Variants in MLLT10 observed in about 807,000 individuals in gnomAD.
MLLT10 encodes protein AF-10.
MLLT10 carries 30 observed loss-of-function variants against 129.1 expected under a neutral mutation model. The ratio of observed to expected loss-of-function variants is 0.23; its 90% confidence interval spans 0.17 to 0.32. MLLT10 has a LOEUF of 0.32. Among genes scored for constraint, MLLT10 ranks in the 10% least tolerant of loss-of-function variants. The pLI is 1.00. For synonymous variants in MLLT10, 490 were observed against 446.4 expected (o/e 1.10, Z -1.23); for missense variants, 1,119 against 1,268.3 (o/e 0.88, Z 1.79).
chr10:21,613,501 A>G (rs185456437), intron 6 of MLLT10, among the ~76,000 whole-genome samples: 2 of 152,372 alleles, frequency 1.3e-5, no homozygotes, highest in Admixed American at 1.3e-4. Context: ...AGATGAAAGT[A>G]GTTTTTGGGG....
At chr10:21,670,180 A>G (rs1367798099) in intron 9 of MLLT10, among the ~76,000 whole-genome samples, 1 of 152,194 alleles carries the variant, frequency 6.6e-6, no homozygotes, top group Non-Finnish European at 1.5e-5. Context: ...AAATATAACT[A>G]ATACATACTT....
intron 10 of MLLT10, among the ~76,000 whole-genome samples, chr10:21,672,409 G>A (rs1237382904): frequency 6.6e-6 from 1 of 151,972 alleles, no homozygotes; most frequent in Non-Finnish European, 1.5e-5. Flanking sequence ...TAAATTTTTT[G>A]TAGAGACGGG....
intron 14 of MLLT10, 146 bp from the exon 15 acceptor site, chr10:21,726,094 CAAGT>C (rs1383933032): frequency 5.0e-5 from 29 of 579,030 alleles, no homozygotes; most frequent in South Asian, 1.2e-4. Context: ...AATGGTAAAA[CAAGT>C]AAGAACGAAA....
chr10:21,547,597 T>C (rs1039932187), intron 3 of MLLT10, among the ~76,000 whole-genome samples: 2 of 150,832 alleles, frequency 1.3e-5, no homozygotes, highest in African/African-American at 4.9e-5. Flanking sequence ...CTCGGCTCAC[T>C]GCAACCTCCG....
At chr10:21,550,220 A>G (rs2036780476) in intron 3 of MLLT10, among the ~76,000 whole-genome samples, 1 of 152,160 alleles carries the variant, frequency 6.6e-6, no homozygotes. Flanking sequence ...TTTAGATAAT[A>G]GATTTTGGGC....
intron 3 of MLLT10, among the ~76,000 whole-genome samples, chr10:21,545,244 T>C (rs1231932984): frequency 1.4e-5 from 2 of 138,104 alleles, no homozygotes; most frequent in Admixed American, 7.2e-5. Context: ...ACCACATGCC[T>C]TTTTTTTTTT....
chr10:21,673,969 T>A (rs957825456), intron 11 of MLLT10, 50 bp downstream of exon 11: 1 of 1,411,482 alleles, frequency 7.1e-7, no homozygotes, highest in Non-Finnish European at 9.5e-7. Flanking sequence ...ACCACCTCCC[T>A]TCTTCTGTCC....
In MLLT10 at chr10:21,732,836, C is replaced by T. The variant is rs994241427; in HGVS notation, c.2219-63C>T. 3.4e-5 allele frequency: 46 copies of T among 1,353,126 alleles called. No individual in the cohort carries two copies. In the Middle Eastern group the frequency reaches 6.5e-4, roughly 19 times the overall value. 83.8% of individuals were successfully genotyped at this position (1,353,126 alleles called of 1,614,324 possible). A position where few individuals can be genotyped will look rare whatever the true frequency, so the allele number is the denominator to read the frequency against. On this transcript the variant is annotated intron_variant, in intron 17 of 22. Coordinates refer to ENST00000307729, the MANE Select transcript of MLLT10 (RefSeq NM_001195626.3). Reference sequence around the variant, plus strand: ...CTTATTTCTAAGGTTACCGGCACTGCGTAAAATACTTAGTCTTATGTGTGT... The same window carrying T: ...CTTATTTCTAAGGTTACCGGCACTGTGTAAAATACTTAGTCTTATGTGTGT...
At chr10:21,606,183 T>C (rs2131171455) in intron 5 of MLLT10, among the ~76,000 whole-genome samples, 1 of 152,306 alleles carries the variant, frequency 6.6e-6, no homozygotes, top group Middle Eastern at 3.4e-3. Context: ...CCCTCATCTC[T>C]CTCTACTCTC....
intron 13 of MLLT10, among the ~76,000 whole-genome samples, chr10:21,685,266 A>C (rs1022653421): frequency 1.3e-5 from 2 of 152,210 alleles, no homozygotes; most frequent in African/African-American, 4.8e-5. Context: ...GGACTTTATA[A>C]AACTAAAATT....
chr10:21,674,137 T>C (rs564853612), intron 11 of MLLT10, among the ~76,000 whole-genome samples: 1 of 152,360 alleles, frequency 6.6e-6, no homozygotes, highest in Non-Finnish European at 1.5e-5. Context: ...TCGGCACTAA[T>C]TTGATTTTAC....
chr10:21,640,895 A>G (rs1344848578), intron 8 of MLLT10, among the ~76,000 whole-genome samples: 3 of 152,186 alleles, frequency 2.0e-5, no homozygotes, highest in Non-Finnish European at 4.4e-5. Context: ...AATTCTTCCA[A>G]GTTGTGAATC....
chr10:21,625,978 C>T (rs2046390088), intron 8 of MLLT10: 2 of 877,148 alleles, frequency 2.3e-6, no homozygotes, highest in East Asian at 2.4e-5. Flanking sequence ...CACCAGAGTA[C>T]ACACTGTTTG....
At chr10:21,704,725 T>A (rs1248327222) in intron 13 of MLLT10, among the ~76,000 whole-genome samples, 1 of 152,002 alleles carries the variant, frequency 6.6e-6, no homozygotes, top group Non-Finnish European at 1.5e-5. Flanking sequence ...GGGAGAACAT[T>A]TTATTGAAGA....
rs2051900049 is a variant in MLLT10 at position 21,674,773 on chromosome 10, G to GA, written c.1621+855dup. 2.0e-5 allele frequency among the ~76,000 whole-genome samples: 3 copies of GA among 152,158 alleles called. No individual in the cohort carries two copies. The East Asian group carries it at 5.8e-4, about 29-fold the overall frequency. ...ACCTTTCTTCTAGTTTTAGATTTCT[G>GA]ATTGTTGAAATAACAAGAATTTAGG... On this transcript the variant is annotated intron_variant, in intron 11 of 22. Transcript: ENST00000307729.
intron 12 of MLLT10, 130 bp downstream of exon 12, chr10:21,681,506 T>TA: frequency 1.6e-6 from 1 of 622,294 alleles, no homozygotes; most frequent in South Asian, 2.1e-5. Flanking sequence ...ATTGAACAGA[T>TA]ACTTTTCTCC....
intron 8 of MLLT10, among the ~76,000 whole-genome samples, chr10:21,650,888 G>T (rs931760524): frequency 5.3e-5 from 8 of 151,976 alleles, no homozygotes; most frequent in Non-Finnish European, 7.4e-5. Context: ...GTAAACCCAG[G>T]AAATAATTTT....
intron 9 of MLLT10, among the ~76,000 whole-genome samples, chr10:21,656,795 G>A (rs1034206859): frequency 1.3e-5 from 2 of 152,102 alleles, no homozygotes; most frequent in Non-Finnish European, 2.9e-5. Flanking sequence ...CATAAGCATT[G>A]TTCACTAAGA....
intron 3 of MLLT10, among the ~76,000 whole-genome samples, chr10:21,558,275 T>C (rs868258833): frequency 1.3e-5 from 2 of 152,006 alleles, no homozygotes; most frequent in Non-Finnish European, 2.9e-5. Flanking sequence ...TTAATTGTTA[T>C]AATACTTGTC....
Sources: allele counts gnomAD v4.1 joint callset (sites outside exome capture counted in the v4.1 genomes callset), GRCh38; gene constraint gnomAD v4.1.1; transcripts MANE v1.5; gene names NCBI Gene and HGNC (gene_info 2026-07-23, HGNC 2026-07-21).